FOCAD: variants seen among roughly 807,000 people sequenced by gnomAD.
FOCAD encodes KIAA1797.
In FOCAD, 198 loss-of-function variants were observed where a neutral mutation model predicts 225.6. The ratio of observed to expected loss-of-function variants is 0.88; its 90% CI spans 0.78 to 0.99. The LOEUF (loss-of-function observed/expected upper bound fraction) is 0.99. FOCAD is among the 50% of genes least tolerant of loss of function. The probability of loss-of-function intolerance (pLI) is 0.00; values close to 1 mark genes in which losing one functional copy is unlikely to be tolerated. For missense variants in FOCAD, 2,713 were observed against 2,123.6 expected (o/e 1.28, Z -5.46); for synonymous variants, 897 against 755.0 (o/e 1.19, Z -3.08).
At chr9:20,988,193 G>A (rs546667533) in intron 40 of FOCAD, 139 bp from the exon 41 acceptor site, 15 of 483,266 alleles carry the variant, frequency 3.1e-5, no homozygotes, top group Middle Eastern at 3.0e-4. Flanking sequence ...CACAAGTCTC[G>A]GGTATTGCAA....
chr9:20,749,624 C>A (rs1350807871), intron 5 of FOCAD, among the ~76,000 whole-genome samples: 1 of 152,098 alleles, frequency 6.6e-6, no homozygotes, highest in Admixed American at 6.6e-5. Context: ...GTAGTAAGTG[C>A]TATGCTATGC....
chr9:20,757,713 G>A (rs183274409), intron 5 of FOCAD, among the ~76,000 whole-genome samples: 30 of 152,248 alleles, frequency 2.0e-4, no homozygotes, highest in African/African-American at 6.7e-4. Context: ...AGAGAGCAGC[G>A]GTAGCAGGAG....
Position 20,990,165 on chromosome 9 carries a change from G to C in FOCAD, c.5047G>C (p.Ala1683Pro), listed in dbSNP as rs150147497. The change falls in exon 42 of 44, where the codon GCA becomes CCA. Residue 1683 changes from alanine (A) to proline (P), a missense_variant. Coordinates refer to ENST00000338382, the MANE Select transcript of FOCAD (RefSeq NM_001375567.1). ...FLLIFATAVVAWADHTAPLLL... is the reference protein window; with the variant it reads ...FLLIFATAVVPWADHTAPLLL... ...GCTGATATTTGCAACCGCAGTGGTT[G>C]CATGGGCTGACCACACTGCCCCTCT... 3.7e-6 allele frequency: 6 copies of C among 1,614,202 alleles called. No individual in the cohort carries two copies. Among genetic ancestry groups the C allele is most frequent in the Non-Finnish European group, 5.1e-6 (6 of 1,180,014 alleles).
At chr9:20,685,901 A>G (rs551877568) in intron 1 of FOCAD, among the ~76,000 whole-genome samples, 3 of 152,326 alleles carry the variant, frequency 2.0e-5, no homozygotes, top group African/African-American at 4.8e-5. Context: ...TGTAATAAAT[A>G]GTTTGAAATC....
At chr9:20,959,360 A>G (rs1838487758) in intron 35 of FOCAD, among the ~76,000 whole-genome samples, 1 of 151,914 alleles carries the variant, frequency 6.6e-6, no homozygotes, top group East Asian at 1.9e-4. Context: ...AATATCTGTT[A>G]ATTTCCCCAT....
intron 35 of FOCAD, among the ~76,000 whole-genome samples, chr9:20,955,772 C>T (rs943567862): frequency 6.6e-6 from 1 of 151,950 alleles, no homozygotes; most frequent in Non-Finnish European, 1.5e-5. Flanking sequence ...TACTTTTATT[C>T]TTTTGTCTGA....
intron 5 of FOCAD, among the ~76,000 whole-genome samples, chr9:20,753,085 T>C (rs1276630846): frequency 6.6e-6 from 1 of 152,204 alleles, no homozygotes; most frequent in African/African-American, 2.4e-5. Context: ...TTTCTAGATA[T>C]ACAATCATGT....
At chr9:20,701,120 C>T (rs748146438) in intron 1 of FOCAD, among the ~76,000 whole-genome samples, 8 of 152,222 alleles carry the variant, frequency 5.3e-5, no homozygotes, top group Non-Finnish European at 7.3e-5. Context: ...GATCTTAGCT[C>T]TCCACTTTGT....
intron 35 of FOCAD, among the ~76,000 whole-genome samples, chr9:20,956,181 A>G (rs1838120915): frequency 6.6e-6 from 1 of 152,200 alleles, no homozygotes; most frequent in African/African-American, 2.4e-5. Context: ...AACTATTACC[A>G]TGAGAGGTAA....
At chr9:20,818,016 G>A (rs1374180141) in intron 11 of FOCAD, among the ~76,000 whole-genome samples, 1 of 152,084 alleles carries the variant, frequency 6.6e-6, no homozygotes, top group Non-Finnish European at 1.5e-5. Context: ...GTGTACAAGG[G>A]TTCCAATTTC....
At chr9:20,827,556 C>T (rs1825032079) in intron 15 of FOCAD, among the ~76,000 whole-genome samples, 1 of 149,886 alleles carries the variant, frequency 6.7e-6, no homozygotes. Flanking sequence ...ATATTATTCC[C>T]CCTTAAAAAA....
chr9:20,900,538 C>T (rs139012127), intron 21 of FOCAD, among the ~76,000 whole-genome samples: 2 of 151,732 alleles, frequency 1.3e-5, no homozygotes, highest in African/African-American at 4.8e-5. Context: ...AGTGTATTTG[C>T]CTTTTTCTTT....
At chr9:20,841,980 A>G (rs1181750615) in intron 15 of FOCAD, among the ~76,000 whole-genome samples, 2 of 151,906 alleles carry the variant, frequency 1.3e-5, no homozygotes, top group East Asian at 3.9e-4. Flanking sequence ...AGAAATTTAA[A>G]AATTTCCTTC....
intron 15 of FOCAD, among the ~76,000 whole-genome samples, chr9:20,833,521 C>A (rs907815976): frequency 2.6e-5 from 4 of 152,088 alleles, no homozygotes; most frequent in African/African-American, 9.6e-5. Context: ...TGCTTTTTCA[C>A]ATGGCAGCGA....
intron 25 of FOCAD, among the ~76,000 whole-genome samples, chr9:20,925,917 TAAG>T (rs1358648329): frequency 3.9e-5 from 6 of 152,214 alleles, no homozygotes; most frequent in African/African-American, 1.4e-4. Context: ...CTTTGTCAAA[TAAG>T]AAGTCATAGA....
chr9:20,771,470 A>G (rs1410733061), intron 8 of FOCAD, among the ~76,000 whole-genome samples: 1 of 152,128 alleles, frequency 6.6e-6, no homozygotes, highest in East Asian at 1.9e-4. Flanking sequence ...ACAAAAATGT[A>G]TTTATTGGTT....
chr9:20,937,265 T>C (rs534959987), intron 28 of FOCAD, among the ~76,000 whole-genome samples: 5,656 of 149,402 alleles, frequency 0.038, 87 homozygotes, highest in Non-Finnish European at 0.058. Context: ...GAGCCCACAT[T>C]GCCAAGTCAA....
At chr9:20,756,570 A>G (rs1468857957) in intron 5 of FOCAD, among the ~76,000 whole-genome samples, 2 of 152,194 alleles carry the variant, frequency 1.3e-5, no homozygotes, top group Non-Finnish European at 2.9e-5. Flanking sequence ...AGACCTGGGC[A>G]TTAGTATTAA....
rs1482632342 is a variant in FOCAD at position 20,978,384 on chromosome 9, C to G, written c.4307C>G (p.Ala1436Gly). 6.2e-7 allele frequency: 1 copy of G among 1,611,746 alleles called. No homozygotes were observed. The highest frequency in any genetic ancestry group is 8.5e-7 in the Non-Finnish European group (1 of 1,178,838). Residue 1436 changes from alanine (A) to glycine (G), a missense_variant, in exon 37 of 44, where the codon GCA becomes GGA. Transcript: ENST00000338382. ...QLCLEIMVTQAQSSQNAAALL... is the reference protein window; with the variant it reads ...QLCLEIMVTQGQSSQNAAALL... ...TGCCTTGAAATTATGGTGACCCAGG[C>G]ACAGTCATCCCAGAATGCAGCTGCA... is the stretch of plus-strand genomic sequence containing the variant.
Sources: gnomAD v4.1 joint callset for allele counts (sites outside exome capture counted in the v4.1 genomes callset) on GRCh38, gnomAD v4.1.1 for gene constraint, MANE v1.5 for transcripts, NCBI Gene and HGNC (gene_info 2026-07-23, HGNC 2026-07-21) for gene names.